CBX2: variants seen among roughly 807,000 people sequenced by gnomAD.
CBX2 encodes chromobox protein homolog 2.
Under a neutral mutation model 21.0 loss-of-function variants are expected in CBX2, and 11 were observed. The ratio of observed to expected loss-of-function variants is 0.52; its 90% CI spans 0.33 to 0.87. The LOEUF (loss-of-function observed/expected upper bound fraction) is 0.87. Ranked by LOEUF, CBX2 falls within the 40% of genes least tolerant of loss-of-function variation. The probability of loss-of-function intolerance (pLI) is 0.02; values close to 1 mark genes in which losing one functional copy is unlikely to be tolerated. For synonymous variants in CBX2, 364 were observed against 304.6 expected (o/e 1.19, Z -2.03); for missense variants, 746 against 724.3 (o/e 1.03, Z -0.34).
chr17:79,778,979 GC>G lies in CBX2; in HGVS notation c.117-379del, dbSNP rs1288752002. Reference sequence around the variant, plus strand: ...TCTGGATCTCGGGCTGGGCGCCTGTGCCCCTCCCTGCATGCTGGACCTGCCT... The same window carrying G: ...TCTGGATCTCGGGCTGGGCGCCTGTGCCCTCCCTGCATGCTGGACCTGCCT... On this transcript the variant is annotated intron_variant, in intron 2 of 4. Transcript: ENST00000310942. This position sits in a 1 kb window ranked among gnomAD's most constrained non-coding sequence, Gnocchi z 4.8. Among the ~76,000 whole-genome samples the G allele has an allele frequency of 6.6e-6, 1 of 151,952 alleles. No homozygotes were observed. Among genetic ancestry groups the G allele is most frequent in the Non-Finnish European group, 1.5e-5 (1 of 67,952 alleles).
Position 79,787,164 on chromosome 17 carries a change from G to A in CBX2, c.*2122G>A, listed in dbSNP as rs1275973725. The A allele has an allele frequency of 5.3e-5, 8 of 152,344 alleles. No homozygotes were observed. In the East Asian group the frequency reaches 9.6e-4, roughly 18 times the overall value. The allele number at this position is 152,344 out of a possible 1,614,324, so 9.4% of individuals were successfully genotyped here. A position where few individuals can be genotyped will look rare whatever the true frequency, so the allele number is the denominator to read the frequency against. On this transcript the variant is annotated 3_prime_UTR_variant, in exon 5 of 5. Transcript: ENST00000310942. ...CTCAGGCACCAGCCTCCCTGTGCTCGACAGCAAAGTCTTGACTCCTTCCTG... is the reference window on the plus strand; with the variant it reads ...CTCAGGCACCAGCCTCCCTGTGCTCAACAGCAAAGTCTTGACTCCTTCCTG...
chr17:79,779,259 C>T, intron 2 of CBX2, 103 bp from the exon 3 acceptor site: 2 of 1,111,714 alleles, frequency 1.8e-6, no homozygotes, highest in South Asian at 1.3e-5. Flanking sequence ...CCACTGCCAT[C>T]GGCCCAAGTC....
chr17:79,779,847 C>T (rs1907040851), intron 3 of CBX2: 2 of 274,078 alleles, frequency 7.3e-6, no homozygotes, highest in Admixed American at 4.4e-5. Flanking sequence ...CACGCGTGTG[C>T]CATCAGGCAA....
chr17:79,787,183 C>T lies in CBX2; in HGVS notation c.*2141C>T, dbSNP rs1234899341. The T allele has an allele frequency of 3.3e-5, 5 of 152,372 alleles. No homozygotes were observed. Among genetic ancestry groups the T allele is most frequent in the Admixed American group, 2.0e-4 (3 of 15,278 alleles). 9.4% of individuals were successfully genotyped at this position (152,372 alleles called of 1,614,324 possible). On this transcript the variant is annotated 3_prime_UTR_variant, in exon 5 of 5. Transcript: ENST00000310942. ...GTGCTCGACAGCAAAGTCTTGACTCCTTCCTGCTGAGCACTGTGCTACCTT... is the reference window on the plus strand; with the variant it reads ...GTGCTCGACAGCAAAGTCTTGACTCTTTCCTGCTGAGCACTGTGCTACCTT...
At chr17:79,783,439 T>C (rs1264678456) in intron 4 of CBX2, among the ~76,000 whole-genome samples, 1 of 150,724 alleles carries the variant, frequency 6.6e-6, no homozygotes, top group Non-Finnish European at 1.5e-5. Context: ...AGACGTAGTC[T>C]CGCTCTGTCG....
At position 79,781,788 on chromosome 17, in the gene CBX2, G is replaced by A. The variant is rs1446155376; in HGVS notation, c.275G>A (p.Arg92His). 30 of 1,613,976 alleles carry A rather than the reference G, an allele frequency of 1.9e-5. No individual in the cohort carries two copies. In the Admixed American group the frequency reaches 2.2e-4, roughly 12 times the overall value. Reference sequence around the variant, plus strand: ...ACTGCCATGTCCTCCTGCAGCCGGCGCTCCAAGCTCAAGGTGGGTGGCTGC... The same window carrying A: ...ACTGCCATGTCCTCCTGCAGCCGGCACTCCAAGCTCAAGGTGGGTGGCTGC... ...KLTAMSSCSR[R>H]SKLKEPDAPS... is the part of the protein sequence containing the mutation. Residue 92 changes from arginine (R) to histidine (H), a missense_variant, in exon 4 of 5, where the codon CGC becomes CAC. Arg to His is a conservative substitution (Grantham distance 29). Around this residue, in one of 2 missense-constraint regions of CBX2, gnomAD observed 701 missense variants for 650.7 expected, o/e 1.08. Coordinates refer to ENST00000310942, the MANE Select transcript of CBX2 (RefSeq NM_005189.3).
At chr17:79,779,670 G>T (rs118059543) in intron 3 of CBX2, 2 of 558,992 alleles carry the variant, frequency 3.6e-6, no homozygotes, top group East Asian at 5.9e-5. Context: ...GTGCTGCTTT[G>T]GTGTTTCCGA....
rs1486667645 is a variant in CBX2 at position 79,787,453 on chromosome 17, T to C, written c.*2411T>C. 1.3e-5 allele frequency: 2 copies of C among 152,726 alleles called. No individual in the cohort carries two copies. The highest frequency in any genetic ancestry group is 2.9e-5 in the Non-Finnish European group (2 of 68,060). 9.5% of individuals were successfully genotyped at this position (152,726 alleles called of 1,614,324 possible). A position where few individuals can be genotyped will look rare whatever the true frequency, so the allele number is the denominator to read the frequency against. The stretch of plus-strand genomic sequence containing the variant: ...TGCCTTCTTACTGTGTTGTGTGTTT[T>C]TCCTGGTGCTTCAAGAGCGTGTGCA... On this transcript the variant is annotated 3_prime_UTR_variant, in exon 5 of 5. Coordinates refer to ENST00000310942, the MANE Select transcript of CBX2 (RefSeq NM_005189.3).
intron 4 of CBX2, among the ~76,000 whole-genome samples, chr17:79,783,003 G>A (rs1555830771): frequency 1.3e-5 from 2 of 152,230 alleles, no homozygotes; most frequent in African/African-American, 4.8e-5. Flanking sequence ...CCCACTTGGT[G>A]TAGGCTGCAA....
upstream of CBX2, among the ~76,000 whole-genome samples, chr17:79,777,735 G>A (rs956045263): frequency 1.3e-5 from 2 of 152,088 alleles, no homozygotes; most frequent in Non-Finnish European, 2.9e-5. Context: ...GAAGGCGGGG[G>A]CAGGAAGCAG....
In CBX2 at chr17:79,783,804, G is replaced by C. The variant is rs1323868798; in HGVS notation, c.361G>C (p.Asp121His). Residue 121 changes from aspartate (D) to histidine (H), a missense_variant, in exon 5 of 5, where the codon GAT (aspartate) becomes CAT (histidine). This residue lies in a region of CBX2 where 701 missense variants were observed against 650.7 expected (regional missense o/e 1.08). Coordinates refer to ENST00000310942, the MANE Select transcript of CBX2 (RefSeq NM_005189.3). ...SSSTSSSSSS[D>H]EEDDSDLDAK... ...CTCCACGTCATCCTCCTCTTCCTCAGATGAAGAGGATGACAGTGACTTAGA... is the reference window on the plus strand; with the variant it reads ...CTCCACGTCATCCTCCTCTTCCTCACATGAAGAGGATGACAGTGACTTAGA... 3 of 1,591,080 alleles carry C rather than the reference G, an allele frequency of 1.9e-6. No individual in the cohort carries two copies. In the African/African-American group the frequency reaches 4.0e-5, roughly 21 times the overall value.
rs1442791787 is a variant in CBX2, at chr17:79,778,682, G to C, written c.116+255G>C. Among the ~76,000 whole-genome samples, 2 of 152,030 alleles carry C rather than the reference G, an allele frequency of 1.3e-5. No individual in the cohort carries two copies. The highest frequency in any genetic ancestry group is 4.8e-5 in the African/African-American group (2 of 41,404). On this transcript the variant is annotated intron_variant, in intron 2 of 4. Transcript: ENST00000310942. This position sits in a 1 kb window ranked among gnomAD's most constrained non-coding sequence, Gnocchi z 4.8. ...AGAACCTCCTCGGCTGCCGCGCCGCGCTCCCCCCAACCCCCGTCCCGGCCG... is the reference window on the plus strand; with the variant it reads ...AGAACCTCCTCGGCTGCCGCGCCGCCCTCCCCCCAACCCCCGTCCCGGCCG...
At chr17:79,783,521 T>C (rs1272001963) in intron 4 of CBX2, among the ~76,000 whole-genome samples, 1 of 152,026 alleles carries the variant, frequency 6.6e-6, no homozygotes, top group Non-Finnish European at 1.5e-5. Flanking sequence ...GCAATTCTCC[T>C]GCCTCAGCCT....
chr17:79,783,555 G>A (rs1401587486), intron 4 of CBX2, among the ~76,000 whole-genome samples, 177 bp from the exon 5 acceptor site: 1 of 152,018 alleles, frequency 6.6e-6, no homozygotes, highest in Non-Finnish European at 1.5e-5. Context: ...GACTACAGGT[G>A]CGCGCCACAA....
chr17:79,781,896 G>T (rs562150779), intron 4 of CBX2, 95 bp downstream of exon 4: 1 of 1,614,192 alleles, frequency 6.2e-7, no homozygotes, highest in African/African-American at 1.3e-5. Flanking sequence ...TCAGGAAGGG[G>T]GTGGCACTTC....
In CBX2 at chr17:79,785,097, G is replaced by T. The variant is rs782514683; in HGVS notation, c.*55G>T. ...ACTCCCCTTCCCTGCCTATGGTGTC[G>T]CTTGGCTAAGTGACTCCCAGCCCAA... On this transcript the variant is annotated 3_prime_UTR_variant, in exon 5 of 5. Transcript: ENST00000310942. 11 of 1,462,776 alleles carry T rather than the reference G, an allele frequency of 7.5e-6. No homozygotes were observed. The highest frequency in any genetic ancestry group is 1.9e-4 in the Middle Eastern group (1 of 5,400). The allele number at this position is 1,462,776 out of a possible 1,614,324, so 90.6% of individuals were successfully genotyped here. A position where few individuals can be genotyped will look rare whatever the true frequency, so the allele number is the denominator to read the frequency against.
rs1026984806 is a variant in CBX2, at chr17:79,785,943, A to G, written c.*901A>G. 1 of 152,696 alleles carries G rather than the reference A, an allele frequency of 6.5e-6. No homozygotes were observed. Among genetic ancestry groups the G allele is most frequent in the Non-Finnish European group, 1.5e-5 (1 of 68,346 alleles). The allele number at this position is 152,696 out of a possible 1,614,324, so 9.5% of individuals were successfully genotyped here. Reference sequence around the variant, plus strand: ...CAAACCCAGACCCACCTCCTGCCCCAGGCCCACTGAAGCATGTTCCATTTC... The same window carrying G: ...CAAACCCAGACCCACCTCCTGCCCCGGGCCCACTGAAGCATGTTCCATTTC... On this transcript the variant is annotated 3_prime_UTR_variant, in exon 5 of 5. Coordinates refer to ENST00000310942, the MANE Select transcript of CBX2 (RefSeq NM_005189.3).
chr17:79,778,571 G>A lies in CBX2; in HGVS notation c.116+144G>A. ...CGCGGGGTCCCCGCGGGCTCCTCCG[G>A]CTCTGAGGGGGGCGGGGGCCGCCCG... On this transcript the variant is annotated intron_variant, in intron 2 of 4. Coordinates refer to ENST00000310942, the MANE Select transcript of CBX2 (RefSeq NM_005189.3). The surrounding 1 kb of genome is among the most constrained non-coding windows in gnomAD (Gnocchi z 4.8). The A allele has an allele frequency of 2.2e-6, 1 of 462,364 alleles. No homozygotes were observed. The allele number at this position is 462,364 out of a possible 1,614,324, so 28.6% of individuals were successfully genotyped here. A position where few individuals can be genotyped will look rare whatever the true frequency, so the allele number is the denominator to read the frequency against.
At chr17:79,783,610 A>C in intron 4 of CBX2, 122 bp from the exon 5 acceptor site, 1 of 833,712 alleles carries the variant, frequency 1.2e-6, no homozygotes, top group African/African-American at 1.7e-5. Flanking sequence ...GGGCTCCACT[A>C]TGTTGGCCAG....
Sources: allele counts gnomAD v4.1 joint callset (sites outside exome capture counted in the v4.1 genomes callset), GRCh38; gene constraint gnomAD v4.1.1; regional missense constraint gnomAD v4.1.1; non-coding constraint Gnocchi (gnomAD v3.1); transcripts MANE v1.5; gene names NCBI Gene and HGNC (gene_info 2026-07-23, HGNC 2026-07-21).